The following ANKLE1 variants were observed in gnomAD, a reference collection of about 807,000 sequenced individuals.
ANKLE1 encodes ankyrin repeat and LEM domain containing 1.
Under a neutral mutation model 56.2 loss-of-function variants are expected in ANKLE1, and 59 were observed. The ratio of observed to expected loss-of-function variants is 1.05; its 90% CI spans 0.85 to 1.30. The LOEUF is 1.30. Among genes scored for constraint, ANKLE1 ranks in the 50% most tolerant of loss-of-function variants. ANKLE1 has a pLI of 0.00. For synonymous variants in ANKLE1, 341 were observed against 352.9 expected, an observed-to-expected ratio of 0.97 and a Z score of 0.38; for missense variants, 771 against 816.1, an observed-to-expected ratio of 0.94 and a Z score of 0.67.
Position 17,283,576 on chromosome 19 carries a change from T to A in ANKLE1, c.812T>A (p.Leu271Gln), listed in dbSNP as rs2073999346. The A allele has an allele frequency of 6.2e-7, 1 of 1,612,308 alleles. No homozygotes were observed. The highest frequency in any genetic ancestry group is 1.3e-5 in the African/African-American group (1 of 74,896). Residue 271 changes from leucine to glutamine, a missense_variant, in exon 5 of 9, where the codon CTG (leucine) becomes CAG (glutamine). Physicochemically the swap from Leu to Gln is moderately radical, Grantham distance 113 (BLOSUM62 -2). Coordinates refer to ENST00000404085, the MANE Select transcript of ANKLE1 (RefSeq NM_152363.6). ...AGGTCTCAGGGCACGGAGGCAGAACTGAATGCCCGTCTGCAGGCCCTGACT... is the reference window on the plus strand; with the variant it reads ...AGGTCTCAGGGCACGGAGGCAGAACAGAATGCCCGTCTGCAGGCCCTGACT... ...VPRSQGTEAELNARLQALTLT... is the reference protein window; with the variant it reads ...VPRSQGTEAEQNARLQALTLT...
chr19:17,284,537 C>T (rs560687959), intron 6 of ANKLE1, among the ~76,000 whole-genome samples: 56 of 152,146 alleles, frequency 3.7e-4, no homozygotes, highest in Admixed American at 1.6e-3. Context: ...GCACCTGCCA[C>T]CACGCCCGAC....
At position 17,282,754 on chromosome 19, in the gene ANKLE1, G is replaced by A; in HGVS notation, c.314G>A (p.Arg105His). The A allele has an allele frequency of 6.5e-7, 1 of 1,547,238 alleles. No homozygotes were observed. The highest frequency in any genetic ancestry group is 8.7e-7 in the Non-Finnish European group (1 of 1,153,310). ...LLSQGADPAL[R>H]DQDGLRPLDL... Reference sequence around the variant, plus strand: ...AGCCAAGGAGCGGACCCGGCGCTGCGCGACCAGGTTGGGAGGCACTGCGCG... The same window carrying A: ...AGCCAAGGAGCGGACCCGGCGCTGCACGACCAGGTTGGGAGGCACTGCGCG... Residue 105 changes from arginine to histidine, a missense_variant, in exon 3 of 9, where the codon CGC (arginine) becomes CAC (histidine). By Grantham distance (29) the Arg-to-His change is conservative (BLOSUM62 0). Coordinates refer to ENST00000404085, the MANE Select transcript of ANKLE1 (RefSeq NM_152363.6).
In ANKLE1 at chr19:17,284,205, G is replaced by T. The variant is rs2074007609; in HGVS notation, c.1315G>T (p.Ala439Ser). 3.7e-6 allele frequency: 6 copies of T among 1,613,876 alleles called. No homozygotes were observed. The highest frequency in any genetic ancestry group is 5.1e-6 in the Non-Finnish European group (6 of 1,179,890). The change falls in exon 6 of 9, where the codon GCC becomes TCC. Residue 439 changes from alanine (A) to serine (S), a missense_variant. Ala to Ser is a moderately conservative substitution (Grantham distance 99, BLOSUM62 1). Transcript: ENST00000404085. ...CCAGCAGTTTGAGCAGCCAGATCCT[G>T]CCAGGAGGTGGCGGGAGGGGGTCGT... ...LAQQFEQPDP[A>S]RRWREGVVKS...
rs1330121549 is a variant in ANKLE1, at chr19:17,282,180, A to G, written c.186A>G (p.Leu62=). Residue 62 remains leucine, a synonymous_variant, in exon 2 of 9, where the codon CTA becomes CTG. Transcript: ENST00000404085. ...HPRGLRCLGA[L]LRQGGDPNAR... ...GCGGCCTGCGTTGCCTCGGGGCCCT[A>G]CTGCGCCAAGGCGGGGACCCCAACG... is the stretch of plus-strand genomic sequence containing the variant. The G allele has an allele frequency of 1.2e-5, 18 of 1,527,310 alleles. No homozygotes were observed. The East Asian group carries it at 4.4e-4, about 37-fold the overall frequency. 94.6% of individuals were successfully genotyped at this position (1,527,310 alleles called of 1,614,324 possible).
Position 17,282,123 on chromosome 19 carries a change from T to C in ANKLE1, c.129T>C (p.Ala43=). The C allele has an allele frequency of 6.5e-7, 1 of 1,541,094 alleles. No homozygotes were observed. The highest frequency in any genetic ancestry group is 8.7e-7 in the Non-Finnish European group (1 of 1,146,186). ...PNLVLEDGAA[A]VHLAAGARHP... ...TGGTGCTAGAGGACGGCGCAGCGGC[T>C]GTGCACTTGGCGGCCGGAGCCCGGC... Residue 43 remains alanine, a synonymous_variant, in exon 2 of 9, where the codon GCT becomes GCC. Coordinates refer to ENST00000404085, the MANE Select transcript of ANKLE1 (RefSeq NM_152363.6).
At position 17,283,755 on chromosome 19, in the gene ANKLE1, ATGGCCACGCTC is replaced by A. The variant is rs2074002074; in HGVS notation, c.996_1006del (p.Thr333AspfsTer4). ...GCACCAGACATCCATTGATAGTGAC[ATGGCCACGCTC>A]TGGCTGACAGAGGATGAGGCAAGCT... On this transcript the variant is annotated frameshift_variant, in exon 5 of 9. Coordinates refer to ENST00000404085, the MANE Select transcript of ANKLE1 (RefSeq NM_152363.6). LOFTEE classifies it high-confidence loss of function. The A allele has an allele frequency of 6.2e-7, 1 of 1,613,530 alleles. No homozygotes were observed. Among genetic ancestry groups the A allele is most frequent in the Non-Finnish European group, 8.5e-7 (1 of 1,179,898 alleles).
intron 8 of ANKLE1, 79 bp from the exon 9 acceptor site, chr19:17,286,301 C>A: frequency 2.0e-6 from 3 of 1,495,216 alleles, no homozygotes; most frequent in South Asian, 1.4e-5. Context: ...CATACCCAGC[C>A]GCCTGCTGTC....
At chr19:17,284,709 G>A (rs956586216) in intron 6 of ANKLE1, among the ~76,000 whole-genome samples, 7 of 51,016 alleles carry the variant, frequency 1.4e-4, no homozygotes, top group Non-Finnish European at 2.3e-4. Context: ...TTTTTGAGGC[G>A]GAGTCTCACT....
rs754808188 is a variant in ANKLE1, at chr19:17,282,778, C to G, written c.321+17C>G. On this transcript the variant is annotated intron_variant, in intron 3 of 8. Coordinates refer to ENST00000404085, the MANE Select transcript of ANKLE1 (RefSeq NM_152363.6). Reference sequence around the variant, plus strand: ...CGCGACCAGGTTGGGAGGCACTGCGCGGGCAAAGAAAGGCTGGGTGAGCCC... The same window carrying G: ...CGCGACCAGGTTGGGAGGCACTGCGGGGGCAAAGAAAGGCTGGGTGAGCCC... The G allele has an allele frequency of 6.4e-6, 10 of 1,558,238 alleles. No individual in the cohort carries two copies. Among genetic ancestry groups the G allele is most frequent in the Middle Eastern group, 1.7e-4 (1 of 5,972 alleles).
At position 17,283,493 on chromosome 19, in the gene ANKLE1, A is replaced by G. The variant is rs774710608; in HGVS notation, c.729A>G (p.Ser243=). The G allele has an allele frequency of 1.2e-6, 2 of 1,613,106 alleles. No individual in the cohort carries two copies. Among genetic ancestry groups the G allele is most frequent in the East Asian group, 2.2e-5 (1 of 44,868 alleles). Residue 243 remains serine, a synonymous_variant, in exon 5 of 9, where the codon TCA becomes TCG. Coordinates refer to ENST00000404085, the MANE Select transcript of ANKLE1 (RefSeq NM_152363.6). The stretch of plus-strand genomic sequence containing the variant: ...CGGACACTCCCCCCTGGGCTGGGTC[A>G]TTGCCACCGACCAGGCAGGGACTTC... The part of the protein sequence containing the change: ...PASDTPPWAG[S]LPPTRQGLLH...
At chr19:17,284,941 G>A (rs1005130315) in intron 6 of ANKLE1, among the ~76,000 whole-genome samples, 1 of 151,774 alleles carries the variant, frequency 6.6e-6, no homozygotes, top group Non-Finnish European at 1.5e-5. Flanking sequence ...CTCCTGCCTT[G>A]GCCTCCCAAA....
In ANKLE1 at chr19:17,282,203, A is replaced by G. The variant is rs745660318; in HGVS notation, c.209A>G (p.Asn70Ser). Reference sequence around the variant, plus strand: ...CTACTGCGCCAAGGCGGGGACCCCAACGCTCGGTAAGATAGAGCCTGGGTC... The same window carrying G: ...CTACTGCGCCAAGGCGGGGACCCCAGCGCTCGGTAAGATAGAGCCTGGGTC... Reference protein sequence around the residue: ...GALLRQGGDPNARSVEALTPL... With the variant: ...GALLRQGGDPSARSVEALTPL... The change falls in exon 2 of 9, where the codon AAC becomes AGC. Residue 70 changes from asparagine to serine, a missense_variant. Asn to Ser is a conservative substitution (Grantham distance 46). Coordinates refer to ENST00000404085, the MANE Select transcript of ANKLE1 (RefSeq NM_152363.6). The G allele has an allele frequency of 3.7e-5, 56 of 1,510,084 alleles. No individual in the cohort carries two copies. Among genetic ancestry groups the G allele is most frequent in the Admixed American group, 2.5e-4 (12 of 47,330 alleles). The allele number at this position is 1,510,084 out of a possible 1,614,324, so 93.5% of individuals were successfully genotyped here.
At position 17,281,965 on chromosome 19, in the gene ANKLE1, G is replaced by A; in HGVS notation, c.45G>A (p.Leu15=). 1 of 1,534,304 alleles carries A rather than the reference G, an allele frequency of 6.5e-7. No individual in the cohort carries two copies. The highest frequency in any genetic ancestry group is 1.2e-5 in the South Asian group (1 of 83,864). The change falls in exon 1 of 9, where the codon CTG becomes CTA. Residue 15 remains leucine (L), a synonymous_variant. Transcript: ENST00000404085. ...ARLARRLRDA[L]REEEPWAVEE... ...TGGCTCGCAGGTTGCGGGATGCGCT[G>A]CGGGAGGAGGAGCCGTGGTGAGGGC...
chr19:17,284,366 A>G, intron 6 of ANKLE1, 100 bp downstream of exon 6: 2 of 1,172,840 alleles, frequency 1.7e-6, no homozygotes, highest in South Asian at 3.1e-5. Flanking sequence ...CCCTAGAATC[A>G]TCAGCTGCTT....
chr19:17,282,111 C>T lies in ANKLE1; in HGVS notation c.117C>T (p.Asp39=). ...CGADPNLVLE[D]GAAAVHLAAG... is the part of the protein sequence containing the mutation. Reference sequence around the variant, plus strand: ...CGGACCCTAATTTGGTGCTAGAGGACGGCGCAGCGGCTGTGCACTTGGCGG... The same window carrying T: ...CGGACCCTAATTTGGTGCTAGAGGATGGCGCAGCGGCTGTGCACTTGGCGG... The change falls in exon 2 of 9, where the codon GAC becomes GAT. Residue 39 remains aspartate (D), a synonymous_variant. Transcript: ENST00000404085. The T allele has an allele frequency of 6.5e-7, 1 of 1,541,554 alleles. No individual in the cohort carries two copies. The highest frequency in any genetic ancestry group is 1.2e-5 in the South Asian group (1 of 84,014).
chr19:17,282,328 C>T (rs2073982508), intron 2 of ANKLE1, 119 bp downstream of exon 2: 1 of 1,307,678 alleles, frequency 7.6e-7, no homozygotes, highest in Non-Finnish European at 1.0e-6. Context: ...TTTAGGGGAT[C>T]TTGGGGAGGG....
Position 17,282,119 on chromosome 19 carries a change from C to G in ANKLE1, c.125C>G (p.Ala42Gly). The G allele has an allele frequency of 6.5e-7, 1 of 1,541,070 alleles. No individual in the cohort carries two copies. Among genetic ancestry groups the G allele is most frequent in the Non-Finnish European group, 8.7e-7 (1 of 1,146,258 alleles). The change falls in exon 2 of 9, where the codon GCG becomes GGG. Residue 42 changes from alanine (A) to glycine (G), a missense_variant. Coordinates refer to ENST00000404085, the MANE Select transcript of ANKLE1 (RefSeq NM_152363.6). ...DPNLVLEDGA[A>G]AVHLAAGARH... is the part of the protein sequence containing the mutation. ...AATTTGGTGCTAGAGGACGGCGCAG[C>G]GGCTGTGCACTTGGCGGCCGGAGCC... is the stretch of plus-strand genomic sequence containing the variant.
Position 17,283,340 on chromosome 19 carries a change from C to G in ANKLE1, c.576C>G (p.Ser192Arg), listed in dbSNP as rs759331866. Reference protein sequence around the residue: ...IGLEADPGPPSLPVPLETVDK... With the variant: ...IGLEADPGPPRLPVPLETVDK... The stretch of plus-strand genomic sequence containing the variant: ...TGGAGGCTGACCCAGGACCCCCCAG[C>G]CTCCCTGTTCCCCTTGAAACTGTGG... Residue 192 changes from serine to arginine, a missense_variant, in exon 5 of 9, where the codon AGC becomes AGG. Transcript: ENST00000404085. The G allele has an allele frequency of 1.2e-6, 2 of 1,613,576 alleles. No homozygotes were observed. The highest frequency in any genetic ancestry group is 2.2e-5 in the South Asian group (2 of 91,080).
rs1231167087 is a variant in ANKLE1 at position 17,283,196 on chromosome 19, T to C, written c.461-29T>C. 3 of 1,586,324 alleles carry C rather than the reference T, an allele frequency of 1.9e-6. No homozygotes were observed. In the Admixed American group the frequency reaches 5.3e-5, roughly 28 times the overall value. ...CATCGCTGTCTCATCCCTCCTCCTC[T>C]CCTCTCTGGCCCCCACTCTCACCTG... is the stretch of plus-strand genomic sequence containing the variant. On this transcript the variant is annotated intron_variant, in intron 4 of 8. Coordinates refer to ENST00000404085, the MANE Select transcript of ANKLE1 (RefSeq NM_152363.6).
Sources: allele counts gnomAD v4.1 joint callset (sites outside exome capture counted in the v4.1 genomes callset), GRCh38; gene constraint gnomAD v4.1.1; transcripts MANE v1.5; gene names NCBI Gene and HGNC (gene_info 2026-07-23, HGNC 2026-07-21).